ITGB8: variants seen among roughly 807,000 people sequenced by gnomAD.
ITGB8 encodes the protein integrin subunit beta 8.
ITGB8 carries 30 observed loss-of-function variants against 89.5 expected under a neutral mutation model. The ratio of observed to expected loss-of-function variants is 0.34; its 90% CI spans 0.25 to 0.45. ITGB8 has a LOEUF of 0.45. ITGB8 is among the 20% of genes least tolerant of loss of function. The pLI, the probability that ITGB8 is intolerant of heterozygous loss-of-function variation, is 1.00. For synonymous variants in ITGB8, 335 were observed against 320.4 expected (o/e 1.05, Z -0.49); for missense variants, 836 against 933.3 (o/e 0.90, Z 1.36).
chr7:20,381,666 TAAAA>T, intron 5 of ITGB8, 57 bp from the exon 6 acceptor site: 1 of 1,345,256 alleles, frequency 7.4e-7, no homozygotes, highest in Non-Finnish European at 1.0e-6. Flanking sequence ...TTACTTGAGG[TAAAA>T]ACCACAGTAC....
intron 1 of ITGB8, among the ~76,000 whole-genome samples, chr7:20,355,663 A>G (rs1354356866): frequency 1.3e-5 from 2 of 152,160 alleles, no homozygotes; most frequent in African/African-American, 4.8e-5. Flanking sequence ...CCCCATAAAG[A>G]TACTTATTTT....
intron 3 of ITGB8, among the ~76,000 whole-genome samples, chr7:20,373,898 A>G (rs1424581048): frequency 1.3e-5 from 2 of 152,172 alleles, no homozygotes. Context: ...TGCTCACACC[A>G]TTCTTTGAGT....
intron 1 of ITGB8, among the ~76,000 whole-genome samples, chr7:20,360,852 TGAGTAGATACCCAATGGTAG>T (rs1301449962): frequency 6.7e-6 from 1 of 149,898 alleles, no homozygotes; most frequent in Non-Finnish European, 1.5e-5. Context: ...TCTTTTCCTT[TGAGTAGATACCCAATGGTAG>T]GACTGCTGAA....
intron 1 of ITGB8, among the ~76,000 whole-genome samples, chr7:20,353,865 A>G (rs12155226): frequency 0.81 from 117,036 of 144,794 alleles, 47,667 homozygotes; most frequent in South Asian, 0.83. Flanking sequence ...CCGGGAGGCG[A>G]AGCTTGCAGT....
chr7:20,366,925 C>T, intron 2 of ITGB8, 87 bp from the exon 3 acceptor site: 1 of 881,164 alleles, frequency 1.1e-6, no homozygotes, highest in Non-Finnish European at 1.7e-6. Flanking sequence ...ATATAAAATA[C>T]CAAAAATGCA....
rs1784459279 is a variant in ITGB8, at chr7:20,332,966, A to C, written c.127+1033A>C. Among the ~76,000 whole-genome samples the C allele has an allele frequency of 2.0e-5, 3 of 148,250 alleles. No homozygotes were observed. In the South Asian group the frequency reaches 6.3e-4, roughly 31 times the overall value. On this transcript the variant is annotated intron_variant, in intron 1 of 13. Transcript: ENST00000222573. Reference sequence around the variant, plus strand: ...AATTTCACTTTTTCTCTGTTTGGTCACCAAGTCCTTAAATTATATTAGAGC... The same window carrying C: ...AATTTCACTTTTTCTCTGTTTGGTCCCCAAGTCCTTAAATTATATTAGAGC...
intron 12 of ITGB8, 71 bp downstream of exon 12, chr7:20,406,242 T>G: frequency 1.0e-6 from 1 of 962,906 alleles, no homozygotes; most frequent in Middle Eastern, 2.1e-4. Context: ...AAAAGACCCA[T>G]AATTAACCAT....
Position 20,384,842 on chromosome 7 carries a change from G to T in ITGB8, c.960+2957G>T, listed in dbSNP as rs1786539894. ...AAAATAATTTATATTTACACATTGT[G>T]ATATTTGTATATGGTTGCTGGCAAA... is the stretch of plus-strand genomic sequence containing the variant. On this transcript the variant is annotated intron_variant, in intron 6 of 13. Transcript: ENST00000222573. Among the ~76,000 whole-genome samples, 5 of 152,188 alleles carry T rather than the reference G, an allele frequency of 3.3e-5. No homozygotes were observed. The South Asian group carries it at 1.0e-3, about 31-fold the overall frequency.
At chr7:20,346,581 C>A in intron 1 of ITGB8, 1 of 354,284 alleles carries the variant, frequency 2.8e-6, no homozygotes, top group Non-Finnish European at 4.0e-6. Flanking sequence ...CTGAGACTTG[C>A]TCTTAATTCT....
intron 1 of ITGB8, among the ~76,000 whole-genome samples, chr7:20,351,765 C>A (rs776441177): frequency 2.0e-5 from 3 of 152,158 alleles, no homozygotes; most frequent in Non-Finnish European, 4.4e-5. Flanking sequence ...AAGTTCACAC[C>A]TGCAACGTGA....
At position 20,380,536 on chromosome 7, in the gene ITGB8, C is replaced by T. The variant is rs945286350; in HGVS notation, c.636-130C>T. 1.3e-5 allele frequency: 9 copies of T among 677,298 alleles called. No homozygotes were observed. In the African/African-American group the frequency reaches 1.6e-4, roughly 12 times the overall value. The allele number at this position is 677,298 out of a possible 1,614,324, so 42.0% of individuals were successfully genotyped here. A position where few individuals can be genotyped will look rare whatever the true frequency, so the allele number is the denominator to read the frequency against. ...CTCTAATTTTATAAGCATAGATTTT[C>T]GTCGTATAAAGTTTCCCTGGCACAA... On this transcript the variant is annotated intron_variant, in intron 4 of 13. Transcript: ENST00000222573.
chr7:20,335,221 C>A (rs542186162), intron 1 of ITGB8, among the ~76,000 whole-genome samples: 50 of 152,144 alleles, frequency 3.3e-4, no homozygotes, highest in African/African-American at 1.2e-3. Context: ...TTTTTAAAAA[C>A]TGAAACTTAG....
chr7:20,392,577 G>A (rs1023985035), intron 7 of ITGB8, among the ~76,000 whole-genome samples: 10 of 152,234 alleles, frequency 6.6e-5, no homozygotes, highest in African/African-American at 2.4e-4. Context: ...TGTTACATGT[G>A]TAGATTGTGT....
At chr7:20,397,777 T>A (rs1245122639) in intron 8 of ITGB8, among the ~76,000 whole-genome samples, 2 of 152,216 alleles carry the variant, frequency 1.3e-5, no homozygotes, top group Non-Finnish European at 2.9e-5. Context: ...GTTCTAAAGA[T>A]ACGCTACCAG....
upstream of ITGB8, among the ~76,000 whole-genome samples, chr7:20,330,475 T>A (rs940050308): frequency 6.6e-6 from 1 of 151,892 alleles, no homozygotes; most frequent in Non-Finnish European, 1.5e-5. Flanking sequence ...CCCGCGAGCG[T>A]TGGGGTGCAA....
At chr7:20,389,656 A>C (rs1786773214) in intron 6 of ITGB8, among the ~76,000 whole-genome samples, 1 of 152,212 alleles carries the variant, frequency 6.6e-6, no homozygotes, top group Non-Finnish European at 1.5e-5. Flanking sequence ...GTCAAAGCAA[A>C]AATACTTGAA....
rs3757726 is a variant in ITGB8, at chr7:20,355,751, T to C, written c.128-7886T>C. Reference sequence around the variant, plus strand: ...CTGTGCTGTAGGCAAAGGAGAGGAATGTGCCAGCCTAGGCTGGGCGACACT... The same window carrying C: ...CTGTGCTGTAGGCAAAGGAGAGGAACGTGCCAGCCTAGGCTGGGCGACACT... On this transcript the variant is annotated intron_variant, in intron 1 of 13. Coordinates refer to ENST00000222573, the MANE Select transcript of ITGB8 (RefSeq NM_002214.3). Among the ~76,000 whole-genome samples the C allele has an allele frequency of 1.2e-3, 182 of 152,356 alleles. 3 individuals are homozygous for C. In the East Asian group the frequency reaches 0.032, roughly 27 times the overall value.
At chr7:20,380,177 T>G (rs928095272) in intron 4 of ITGB8, 2 of 157,626 alleles carry the variant, frequency 1.3e-5, no homozygotes, top group Non-Finnish European at 2.8e-5. Context: ...GTATCATAGA[T>G]TCTCAAAATA....
At position 20,383,109 on chromosome 7, in the gene ITGB8, G is replaced by A. The variant is rs116654185; in HGVS notation, c.960+1224G>A. ...ACAGTATCAGAAGCATGAAAATTAT[G>A]CTGAAATTTGTGTGGTTCCCATGGG... On this transcript the variant is annotated intron_variant, in intron 6 of 13. Transcript: ENST00000222573. Among the ~76,000 whole-genome samples, 164 of 152,230 alleles carry A rather than the reference G, an allele frequency of 1.1e-3. 1 individual carries two copies. Among genetic ancestry groups the A allele is most frequent in the African/African-American group, 3.6e-3 (148 of 41,524 alleles).
Sources: gnomAD v4.1 joint callset for allele counts (sites outside exome capture counted in the v4.1 genomes callset) on GRCh38, gnomAD v4.1.1 for gene constraint, MANE v1.5 for transcripts, NCBI Gene and HGNC (gene_info 2026-07-23, HGNC 2026-07-21) for gene names.